The following MYLK variants were observed in gnomAD, a reference collection of about 807,000 sequenced individuals.
The protein encoded by MYLK is myosin light chain kinase.
A neutral mutation model predicts 203.4 loss-of-function variants in MYLK; 106 were observed. The ratio of observed to expected loss-of-function variants is 0.52; its 90% CI spans 0.45 to 0.61. The LOEUF is 0.61. Ranked by LOEUF, MYLK falls within the 20% of genes least tolerant of loss-of-function variation. The pLI, the probability that MYLK is intolerant of heterozygous loss-of-function variation, is 0.00. For missense variants in MYLK, 2,072 were observed against 2,442.3 expected, an observed-to-expected ratio of 0.85 and a Z score of 3.20; for synonymous variants, 867 against 959.5, an observed-to-expected ratio of 0.90 and a Z score of 1.78.
At chr3:123,689,421 T>C (rs1235678854) in intron 19 of MYLK, among the ~76,000 whole-genome samples, 2 of 152,182 alleles carry the variant, frequency 1.3e-5, no homozygotes, top group East Asian at 1.9e-4. Flanking sequence ...GGCCCCACCA[T>C]GGTAATTCAC....
chr3:123,803,092 G>C (rs1036786232), intron 3 of MYLK, among the ~76,000 whole-genome samples: 1 of 152,134 alleles, frequency 6.6e-6, no homozygotes. Context: ...AACAAGAACC[G>C]AGCTCATGGC....
chr3:123,664,003 A>C, intron 23 of MYLK, 102 bp downstream of exon 23: 19 of 1,505,074 alleles, frequency 1.3e-5, no homozygotes, highest in Non-Finnish European at 1.5e-5. Flanking sequence ...AGGAGTGGTG[A>C]GAGATAATGG....
chr3:123,864,289 G>T (rs552086026), intron 2 of MYLK, among the ~76,000 whole-genome samples: 12 of 152,292 alleles, frequency 7.9e-5, no homozygotes, highest in African/African-American at 2.9e-4. Context: ...GCATGCTTTT[G>T]TCCAAAGTCA....
rs1207195735 is a variant in MYLK, at chr3:123,625,470, G to GA, written c.5238+1347_5238+1348insT. Among the ~76,000 whole-genome samples the GA allele has an allele frequency of 4.7e-3, 600 of 126,578 alleles. 6 individuals are homozygous for GA. The highest frequency in any genetic ancestry group is 0.017 in the African/African-American group (517 of 30,302). The allele number at this position is 126,578 out of a possible 152,430, so 83.0% of individuals were successfully genotyped here. ...GTAATGGAGTGAGACTTTGTCTCGAGGAAAAAAAAAAAAAAGAAACCATGT... is the reference window on the plus strand; with the variant it reads ...GTAATGGAGTGAGACTTTGTCTCGAGAGAAAAAAAAAAAAAAGAAACCATGT... On this transcript the variant is annotated intron_variant, in intron 31 of 33. Transcript: ENST00000360304.
At chr3:123,735,279 T>A (rs2062635018) in intron 9 of MYLK, 119 bp downstream of exon 9, 3 of 1,355,490 alleles carry the variant, frequency 2.2e-6, no homozygotes. Flanking sequence ...AACAACATCC[T>A]CCAAATGGCC....
intron 2 of MYLK, among the ~76,000 whole-genome samples, chr3:123,854,146 A>T (rs2031133547): frequency 6.7e-6 from 1 of 148,802 alleles, no homozygotes; most frequent in Non-Finnish European, 1.5e-5. Context: ...TCGCCGGCTG[A>T]CCATAGAGGC....
intron 4 of MYLK, among the ~76,000 whole-genome samples, chr3:123,763,999 TTC>T (rs1261701021): frequency 2.0e-5 from 3 of 152,262 alleles, no homozygotes; most frequent in Admixed American, 6.5e-5. Flanking sequence ...AGTCTTTTTA[TTC>T]TCTCTGGGAG....
chr3:123,862,240 G>A (rs1224841020), intron 2 of MYLK, among the ~76,000 whole-genome samples: 1 of 152,238 alleles, frequency 6.6e-6, no homozygotes, highest in Non-Finnish European at 1.5e-5. Flanking sequence ...TTAAACTGGA[G>A]AATCCTGTGT....
At chr3:123,861,146 AC>A (rs2031867215) in intron 2 of MYLK, among the ~76,000 whole-genome samples, 1 of 151,796 alleles carries the variant, frequency 6.6e-6, no homozygotes, top group African/African-American at 2.4e-5. Flanking sequence ...AAAACAAAAA[AC>A]AAAAAAAAAA....
intron 4 of MYLK, among the ~76,000 whole-genome samples, chr3:123,782,560 T>C (rs1019611002): frequency 6.6e-6 from 1 of 152,214 alleles, no homozygotes; most frequent in African/African-American, 2.4e-5. Flanking sequence ...TGTATCTATG[T>C]GAACAAATGA....
At chr3:123,860,320 G>A (rs548211254) in intron 2 of MYLK, among the ~76,000 whole-genome samples, 17 of 152,192 alleles carry the variant, frequency 1.1e-4, no homozygotes, top group South Asian at 2.1e-4. Flanking sequence ...CAAGGCCTGC[G>A]TTGCACTGGG....
At chr3:123,757,970 G>A (rs1279053313) in intron 4 of MYLK, among the ~76,000 whole-genome samples, 1 of 151,898 alleles carries the variant, frequency 6.6e-6, no homozygotes, top group Admixed American at 6.5e-5. Context: ...TGGTGCTGAG[G>A]GATTAGCTGA....
intron 4 of MYLK, among the ~76,000 whole-genome samples, chr3:123,778,581 C>G (rs2064167592): frequency 6.6e-6 from 1 of 151,482 alleles, no homozygotes; most frequent in African/African-American, 2.4e-5. Flanking sequence ...CATCAACAGA[C>G]AGCCCCTTCC....
intron 1 of MYLK, among the ~76,000 whole-genome samples, chr3:123,882,568 C>T (rs1186075333): frequency 6.6e-6 from 1 of 152,206 alleles, no homozygotes; most frequent in East Asian, 1.9e-4. Context: ...TCTCCAAGCT[C>T]ATGCTTAGCT....
chr3:123,637,723 G>A (rs820462), intron 29 of MYLK, among the ~76,000 whole-genome samples: 3,789 of 152,210 alleles, frequency 0.025, 67 homozygotes, highest in Middle Eastern at 0.092. Flanking sequence ...CTTCTTTGTG[G>A]ACCCACACAA....
chr3:123,834,807 T>C (rs1008855343), intron 2 of MYLK, among the ~76,000 whole-genome samples: 8 of 152,176 alleles, frequency 5.3e-5, no homozygotes, highest in Admixed American at 6.6e-5. Context: ...ATTAAGTCTT[T>C]ACAGGGAGTT....
chr3:123,777,106 C>CTTT (rs2064107757), intron 4 of MYLK, among the ~76,000 whole-genome samples: 1 of 152,334 alleles, frequency 6.6e-6, no homozygotes, highest in East Asian at 1.9e-4. Context: ...TCAAAGTAAG[C>CTTT]CATTTAGAGT....
At chr3:123,654,142 G>T (rs1050372799) in intron 24 of MYLK, among the ~76,000 whole-genome samples, 1 of 152,112 alleles carries the variant, frequency 6.6e-6, no homozygotes. Flanking sequence ...TCACGTCTCC[G>T]TGACTTGCAC....
chr3:123,619,555 C>A (rs1576316142), intron 32 of MYLK, among the ~76,000 whole-genome samples: 1 of 152,156 alleles, frequency 6.6e-6, no homozygotes, highest in African/African-American at 2.4e-5. Flanking sequence ...GTGTCTCTGG[C>A]CAAATGAGAT....
Sources: allele counts gnomAD v4.1 joint callset (sites outside exome capture counted in the v4.1 genomes callset), GRCh38; gene constraint gnomAD v4.1.1; transcripts MANE v1.5; gene names NCBI Gene and HGNC (gene_info 2026-07-23, HGNC 2026-07-21).